GALNT13: variants seen among roughly 807,000 people sequenced by gnomAD.
GALNT13 encodes the protein polypeptide N-acetylgalactosaminyltransferase 13.
Under a neutral mutation model 64.2 loss-of-function variants are expected in GALNT13, and 28 were observed. The observed-to-expected ratio is 0.44, with a 90% CI of 0.32 to 0.60. GALNT13 has a LOEUF of 0.60. GALNT13 is among the 20% of genes least tolerant of loss of function. GALNT13 has a pLI of 0.05. For missense variants in GALNT13, 577 were observed against 669.8 expected (o/e 0.86, Z 1.53); for synonymous variants, 214 against 224.6 (o/e 0.95, Z 0.42).
chr2:153,896,517 T>C (rs55919826), intron 1 of GALNT13, among the ~76,000 whole-genome samples: 10,740 of 152,050 alleles, frequency 0.071, 445 homozygotes, highest in Middle Eastern at 0.12. Flanking sequence ...GATTTCTCAC[T>C]ATACTAATTA....
chr2:154,039,872 A>G (rs1458726080), intron 3 of GALNT13, among the ~76,000 whole-genome samples: 1 of 140,440 alleles, frequency 7.1e-6, no homozygotes, highest in African/African-American at 2.4e-5. Context: ...GGGATATTGT[A>G]TGCTCCATAT....
At chr2:154,138,676 C>T (rs940670274) in intron 3 of GALNT13, among the ~76,000 whole-genome samples, 15 of 151,116 alleles carry the variant, frequency 9.9e-5, no homozygotes, top group Non-Finnish European at 1.5e-4. Context: ...CACAAAGAAG[C>T]CACATATAAA....
chr2:153,248,511 A>C, the GALNT13 span, among the ~76,000 whole-genome samples: 1 of 42,638 alleles, frequency 2.3e-5, no homozygotes, highest in East Asian at 2.3e-4. Flanking sequence ...AAAATTCAAC[A>C]TCCTTTATGT....
chr2:153,470,927 G>T, the GALNT13 span, among the ~76,000 whole-genome samples: 1 of 152,134 alleles, frequency 6.6e-6, no homozygotes, highest in Non-Finnish European at 1.5e-5. Flanking sequence ...AGCTGAATTT[G>T]TAGAAAATTA....
the GALNT13 span, among the ~76,000 whole-genome samples, chr2:153,374,792 G>A: frequency 5.9e-5 from 9 of 152,104 alleles, no homozygotes; most frequent in African/African-American, 1.9e-4. Flanking sequence ...TGCAGGATCA[G>A]GTTCTGCCAG....
At chr2:153,934,628 A>G (rs1690768534) in intron 2 of GALNT13, among the ~76,000 whole-genome samples, 1 of 152,144 alleles carries the variant, frequency 6.6e-6, no homozygotes, top group Non-Finnish European at 1.5e-5. Flanking sequence ...TTCTATGAAG[A>G]TGCTATGACT....
the GALNT13 span, among the ~76,000 whole-genome samples, chr2:153,690,545 T>A: frequency 1.3e-5 from 2 of 152,124 alleles, no homozygotes; most frequent in Non-Finnish European, 2.9e-5. Flanking sequence ...GCTACCCTGG[T>A]CTACCAGAGT....
At chr2:154,383,738 GC>G (rs1698382733) in intron 9 of GALNT13, among the ~76,000 whole-genome samples, 1 of 151,792 alleles carries the variant, frequency 6.6e-6, no homozygotes, top group African/African-American at 2.4e-5. Flanking sequence ...ATACTTTGAA[GC>G]CGATTTTTCA....
intron 8 of GALNT13, among the ~76,000 whole-genome samples, chr2:154,276,478 C>T (rs570570407): frequency 3.3e-5 from 5 of 152,116 alleles, no homozygotes; most frequent in Admixed American, 6.5e-5. Context: ...TCAGGTGATC[C>T]ATCCACCATT....
intron 1 of GALNT13, among the ~76,000 whole-genome samples, chr2:153,895,150 A>G (rs1361178778): frequency 6.6e-6 from 1 of 152,144 alleles, no homozygotes. Context: ...TATGAGAACC[A>G]TTGATTAAAA....
At chr2:154,107,601 A>G (rs921812055) in intron 3 of GALNT13, among the ~76,000 whole-genome samples, 4 of 151,880 alleles carry the variant, frequency 2.6e-5, no homozygotes, top group Non-Finnish European at 4.4e-5. Context: ...AAAAAAAAAA[A>G]AAAGAAAGAA....
chr2:154,249,542 C>T (rs547690827), intron 7 of GALNT13, among the ~76,000 whole-genome samples: 75 of 152,242 alleles, frequency 4.9e-4, no homozygotes, highest in African/African-American at 1.8e-3. Flanking sequence ...ACTTTAATTT[C>T]ACACTGATTA....
chr2:153,479,161 A>T, the GALNT13 span, among the ~76,000 whole-genome samples: 14 of 152,086 alleles, frequency 9.2e-5, no homozygotes, highest in African/African-American at 3.4e-4. Context: ...TGCCCCCCTG[A>T]CCTCTGGGCG....
At chr2:153,436,210 T>A in the GALNT13 span, among the ~76,000 whole-genome samples, 2 of 152,226 alleles carry the variant, frequency 1.3e-5, no homozygotes, top group Non-Finnish European at 2.9e-5. Context: ...CTTTTTGATG[T>A]GCTGCTGGAT....
the GALNT13 span, among the ~76,000 whole-genome samples, chr2:153,859,058 A>C: frequency 0.3 from 45,389 of 152,066 alleles, 7,325 homozygotes; most frequent in Middle Eastern, 0.43. Flanking sequence ...TATATGGCAT[A>C]AGGTTAAGTA....
At chr2:153,506,848 A>G in the GALNT13 span, among the ~76,000 whole-genome samples, 6 of 152,198 alleles carry the variant, frequency 3.9e-5, no homozygotes, top group Admixed American at 3.3e-4. Context: ...TGAATTTCCC[A>G]GGTGTTCTTC....
At chr2:154,248,075 A>T (rs1689877935) in intron 7 of GALNT13, among the ~76,000 whole-genome samples, 1 of 152,144 alleles carries the variant, frequency 6.6e-6, no homozygotes, top group South Asian at 2.1e-4. Context: ...GAATAGCTAA[A>T]GTGATGAAAA....
the GALNT13 span, among the ~76,000 whole-genome samples, chr2:153,679,415 C>G: frequency 2.6e-5 from 4 of 151,864 alleles, no homozygotes; most frequent in Non-Finnish European, 5.9e-5. Context: ...TATAATTCAC[C>G]CACTACATCA....
chr2:153,243,614 A>G, the GALNT13 span, among the ~76,000 whole-genome samples: 1 of 152,254 alleles, frequency 6.6e-6, no homozygotes, highest in African/African-American at 2.4e-5. Flanking sequence ...GTAGACTATA[A>G]GAAGGCATGG....
Sources: gnomAD v4.1 joint callset for allele counts (sites outside exome capture counted in the v4.1 genomes callset) on GRCh38, gnomAD v4.1.1 for gene constraint, MANE v1.5 for transcripts, NCBI Gene and HGNC (gene_info 2026-07-23, HGNC 2026-07-21) for gene names.